GNA11: variants seen among roughly 807,000 people sequenced by gnomAD.
GNA11 encodes the protein G protein subunit alpha 11.
In GNA11, 8 loss-of-function variants were observed where a neutral mutation model predicts 38.2. The observed-to-expected ratio is 0.21, with a 90% confidence interval of 0.12 to 0.38. The LOEUF is 0.38. Among genes scored for constraint, GNA11 ranks in the 10% least tolerant of loss-of-function variants. The probability of loss-of-function intolerance (pLI) is 1.00; values close to 1 mark genes in which losing one functional copy is unlikely to be tolerated. For synonymous variants in GNA11, 211 were observed against 221.4 expected, an observed-to-expected ratio of 0.95 and a Z score of 0.42; for missense variants, 268 against 516.3, an observed-to-expected ratio of 0.52 and a Z score of 4.66.
chr19:3,109,725 G>C (rs1913724253), intron 1 of GNA11, among the ~76,000 whole-genome samples: 1 of 152,192 alleles, frequency 6.6e-6, no homozygotes. Context: ...CGTCTGTCAG[G>C]GCACCGCCGC....
In GNA11 at chr19:3,119,109, A is replaced by G. The variant is rs1490591858; in HGVS notation, c.735+56A>G. The G allele has an allele frequency of 1.7e-5, 27 of 1,606,748 alleles. No individual in the cohort carries two copies. The highest frequency in any genetic ancestry group is 2.1e-5 in the Non-Finnish European group (25 of 1,174,632). ...GGGGGCCGGGCCTTCCCCACCTGCC[A>G]AGCCTGGGTCCCCTCACCTGGGTCC... On this transcript the variant is annotated intron_variant, in intron 5 of 6. Coordinates refer to ENST00000078429, the MANE Select transcript of GNA11 (RefSeq NM_002067.5). The surrounding 1 kb of genome is among the most constrained non-coding windows in gnomAD (Gnocchi z 4.6).
chr19:3,120,111 T>C lies in GNA11; in HGVS notation c.889+752T>C, dbSNP rs561539012. Among the ~76,000 whole-genome samples, 1 of 152,180 alleles carries C rather than the reference T, an allele frequency of 6.6e-6. No individual in the cohort carries two copies. The highest frequency in any genetic ancestry group is 2.4e-5 in the African/African-American group (1 of 41,524). On this transcript the variant is annotated intron_variant, in intron 6 of 6. Coordinates refer to ENST00000078429, the MANE Select transcript of GNA11 (RefSeq NM_002067.5). This position sits in a 1 kb window ranked among gnomAD's most constrained non-coding sequence, Gnocchi z 5.9. ...GGCGCCCTCATTTCCACCCCGGATC[T>C]GTGCTCCTCCCGTGAGTCTCGGGTG...
intron 4 of GNA11, 87 bp downstream of exon 4, chr19:3,115,159 T>C (rs2145321503): frequency 6.8e-7 from 1 of 1,464,506 alleles, no homozygotes; most frequent in Non-Finnish European, 9.4e-7. Flanking sequence ...CACCCAGTGC[T>C]TTGGGAGGCC....
chr19:3,113,610 TG>T, intron 3 of GNA11, 126 bp downstream of exon 3: 1 of 692,136 alleles, frequency 1.4e-6, no homozygotes, highest in Non-Finnish European at 2.3e-6. Context: ...AGGGATGCGG[TG>T]GGCCCGGGCC....
Position 3,123,911 on chromosome 19 carries a change from C to G in GNA11, c.*2732C>G, listed in dbSNP as rs1200806739. 1 of 232,302 alleles carries G rather than the reference C, an allele frequency of 4.3e-6. No individual in the cohort carries two copies. Among genetic ancestry groups the G allele is most frequent in the Non-Finnish European group, 8.5e-6 (1 of 117,496 alleles). The allele number at this position is 232,302 out of a possible 1,614,324, so 14.4% of individuals were successfully genotyped here. ...CCTCCCACAGCCACCGGCCCTGACC[C>G]TTAATCCAGACACCGATGGAAGTCG... On this transcript the variant is annotated 3_prime_UTR_variant, in exon 7 of 7. Transcript: ENST00000078429.
chr19:3,121,131 G>A lies in GNA11; in HGVS notation c.1032G>A (p.Val344=), dbSNP rs1421887982. 8.1e-6 allele frequency: 13 copies of A among 1,613,820 alleles called. No individual in the cohort carries two copies. The highest frequency in any genetic ancestry group is 1.1e-5 in the Non-Finnish European group (13 of 1,179,886). ...ACATCCGCTTCGTGTTCGCGGCCGT[G>A]AAGGACACCATCCTGCAGCTCAACC... The part of the protein sequence containing the change: ...TENIRFVFAA[V]KDTILQLNLK... The change falls in exon 7 of 7, where the codon GTG becomes GTA. Residue 344 remains valine (V), a synonymous_variant. Transcript: ENST00000078429.
chr19:3,096,667 C>G (rs1338407787), intron 1 of GNA11, among the ~76,000 whole-genome samples: 1 of 152,078 alleles, frequency 6.6e-6, no homozygotes, highest in African/African-American at 2.4e-5. Context: ...GCCTGTGGCC[C>G]GGGGGTGTCT....
rs1914136735 is a variant in GNA11, at chr19:3,123,420, C to T, written c.*2241C>T. 4.3e-6 allele frequency: 1 copy of T among 233,382 alleles called. No homozygotes were observed. The highest frequency in any genetic ancestry group is 6.0e-5 in the East Asian group (1 of 16,586). The allele number at this position is 233,382 out of a possible 1,614,324, so 14.5% of individuals were successfully genotyped here. A position where few individuals can be genotyped will look rare whatever the true frequency, so the allele number is the denominator to read the frequency against. ...AGGGGTGCCTGCCCCAGGAGAGTCC[C>T]AGGCAGTGGTTCTCGTGCCAGTGGC... On this transcript the variant is annotated 3_prime_UTR_variant, in exon 7 of 7. Transcript: ENST00000078429.
In GNA11 at chr19:3,109,701, C is replaced by T. The variant is rs144781560; in HGVS notation, c.137-448C>T. On this transcript the variant is annotated intron_variant, in intron 1 of 6. Coordinates refer to ENST00000078429, the MANE Select transcript of GNA11 (RefSeq NM_002067.5). ...CTTGGGGTGGTCTGTGCAGAGATGCCGTTGGGGTGAGTCCGTCTGTCAGGG... is the reference window on the plus strand; with the variant it reads ...CTTGGGGTGGTCTGTGCAGAGATGCTGTTGGGGTGAGTCCGTCTGTCAGGG... 6.4e-3 allele frequency among the ~76,000 whole-genome samples: 968 copies of T among 152,232 alleles called. 4 individuals are homozygous for T. The highest frequency in any genetic ancestry group is 1.0e-2 in the Admixed American group (153 of 15,306).
At chr19:3,095,420 C>T (rs1388472641) in intron 1 of GNA11, among the ~76,000 whole-genome samples, 1 of 151,930 alleles carries the variant, frequency 6.6e-6, no homozygotes, top group African/African-American at 2.4e-5. Flanking sequence ...ACCCACAGGG[C>T]ACACTCACCC....
chr19:3,119,373 C>T lies in GNA11; in HGVS notation c.889+14C>T, dbSNP rs369371015. 128 of 1,610,190 alleles carry T rather than the reference C, an allele frequency of 7.9e-5. No homozygotes were observed. The East Asian group carries it at 9.1e-4, about 12-fold the overall frequency. On this transcript the variant is annotated intron_variant, in intron 6 of 6. Transcript: ENST00000078429. The surrounding 1 kb of genome is among the most constrained non-coding windows in gnomAD (Gnocchi z 4.6). Reference sequence around the variant, plus strand: ...CCGAGTTCGATGGTGCGCCGGGCTGCGGCATGGGGAGGGGCTCGCGGGCAG... The same window carrying T: ...CCGAGTTCGATGGTGCGCCGGGCTGTGGCATGGGGAGGGGCTCGCGGGCAG...
chr19:3,095,257 C>T (rs1913335838), intron 1 of GNA11, among the ~76,000 whole-genome samples: 1 of 152,184 alleles, frequency 6.6e-6, no homozygotes, highest in African/African-American at 2.4e-5. Flanking sequence ...CTCCCAGCTT[C>T]TGCTGTCTAC....
chr19:3,113,006 G>T (rs112944226), intron 2 of GNA11, among the ~76,000 whole-genome samples: 185 of 152,314 alleles, frequency 1.2e-3, no homozygotes, highest in African/African-American at 4.2e-3. Flanking sequence ...TGGGTTTGAA[G>T]TGTGTGTGTT....
chr19:3,094,821 C>T lies in GNA11; in HGVS notation c.136+34C>T, dbSNP rs1171900278. ...GGCCCCCGGGCCTGCCGGCTGCGGG[C>T]CCTGCCCTGCCTGTGCCTGCCCTGC... On this transcript the variant is annotated intron_variant, in intron 1 of 6. Transcript: ENST00000078429. This position sits in a 1 kb window ranked among gnomAD's most constrained non-coding sequence, Gnocchi z 6.0. 3 of 1,480,838 alleles carry T rather than the reference C, an allele frequency of 2.0e-6. No individual in the cohort carries two copies. The Admixed American group carries it at 6.4e-5, about 32-fold the overall frequency. The allele number at this position is 1,480,838 out of a possible 1,614,324, so 91.7% of individuals were successfully genotyped here.
rs1914089667 is a variant in GNA11, at chr19:3,121,851, A to T, written c.*672A>T. On this transcript the variant is annotated 3_prime_UTR_variant, in exon 7 of 7. Transcript: ENST00000078429. The stretch of plus-strand genomic sequence containing the variant: ...AGTGCCTAACCTTTTATTTTATTTT[A>T]TTTTTTTGAGGAAAAAGAACGCCTG... 4.7e-6 allele frequency: 1 copy of T among 214,754 alleles called. No individual in the cohort carries two copies. Among genetic ancestry groups the T allele is most frequent in the Admixed American group, 5.9e-5 (1 of 17,094 alleles). 13.3% of individuals were successfully genotyped at this position (214,754 alleles called of 1,614,324 possible).
Position 3,110,037 on chromosome 19 carries a change from C to T in GNA11, c.137-112C>T. On this transcript the variant is annotated intron_variant, in intron 1 of 6. Coordinates refer to ENST00000078429, the MANE Select transcript of GNA11 (RefSeq NM_002067.5). This position sits in a 1 kb window ranked among gnomAD's most constrained non-coding sequence, Gnocchi z 5.4. ...GTGGAGAGACGGTCAGCCTCACGTGCCTTGGTTTCCTGTGCTGGGTGCTGC... is the reference window on the plus strand; with the variant it reads ...GTGGAGAGACGGTCAGCCTCACGTGTCTTGGTTTCCTGTGCTGGGTGCTGC... 1 of 784,526 alleles carries T rather than the reference C, an allele frequency of 1.3e-6. No homozygotes were observed. Among genetic ancestry groups the T allele is most frequent in the South Asian group, 1.7e-5 (1 of 57,808 alleles). The allele number at this position is 784,526 out of a possible 1,614,324, so 48.6% of individuals were successfully genotyped here. A position where few individuals can be genotyped will look rare whatever the true frequency, so the allele number is the denominator to read the frequency against.
chr19:3,094,898 G>A lies in GNA11; in HGVS notation c.136+111G>A. ...GGGGTCAGCCCTGCCTGTGCCGTCC[G>A]GGTCGCGAGACCCTCCGGGGTCAGC... On this transcript the variant is annotated intron_variant, in intron 1 of 6. Transcript: ENST00000078429. The surrounding 1 kb of genome is among the most constrained non-coding windows in gnomAD (Gnocchi z 6.0). 1 of 749,020 alleles carries A rather than the reference G, an allele frequency of 1.3e-6. No homozygotes were observed. Among genetic ancestry groups the A allele is most frequent in the Non-Finnish European group, 1.9e-6 (1 of 521,368 alleles). The allele number at this position is 749,020 out of a possible 1,614,324, so 46.4% of individuals were successfully genotyped here. A position where few individuals can be genotyped will look rare whatever the true frequency, so the allele number is the denominator to read the frequency against.
intron 1 of GNA11, among the ~76,000 whole-genome samples, chr19:3,104,235 G>A (rs942918129): frequency 6.6e-5 from 10 of 152,248 alleles, no homozygotes; most frequent in African/African-American, 2.4e-4. Flanking sequence ...AAAGGAAGCT[G>A]GGGCACGGAC....
chr19:3,116,471 C>T (rs1326015786), intron 4 of GNA11, among the ~76,000 whole-genome samples: 1 of 150,304 alleles, frequency 6.7e-6, no homozygotes, highest in East Asian at 1.9e-4. Flanking sequence ...TCCTTGGCAT[C>T]CTTGGCATCC....
Sources: allele counts gnomAD v4.1 joint callset (sites outside exome capture counted in the v4.1 genomes callset), GRCh38; gene constraint gnomAD v4.1.1; non-coding constraint Gnocchi (gnomAD v3.1); transcripts MANE v1.5; gene names NCBI Gene and HGNC (gene_info 2026-07-23, HGNC 2026-07-21).